The following ANKS6 variants were observed in gnomAD, a reference collection of about 807,000 sequenced individuals.
ANKS6 encodes ankyrin repeat and sterile alpha motif domain containing 6, also known as ankyrin repeat and SAM domain-containing protein 6.
Under a neutral mutation model 77.9 loss-of-function variants are expected in ANKS6, and 47 were observed. That is an observed-to-expected ratio of 0.60 (90% CI 0.48 to 0.77). ANKS6 has a LOEUF of 0.77. ANKS6 is among the 30% of genes least tolerant of loss of function. ANKS6 has a pLI of 0.00. For synonymous variants in ANKS6, 488 were observed against 501.7 expected (o/e 0.97, Z 0.37); for missense variants, 1,150 against 1,159.1 (o/e 0.99, Z 0.11).
Position 98,734,538 on chromosome 9 carries a change from A to C in ANKS6, c.*1981T>G, listed in dbSNP as rs1349342792. The C allele has an allele frequency of 1.0e-6, 1 of 985,350 alleles. No homozygotes were observed. Among genetic ancestry groups the C allele is most frequent in the Non-Finnish European group, 1.2e-6 (1 of 829,950 alleles). The allele number at this position is 985,350 out of a possible 1,614,324, so 61.0% of individuals were successfully genotyped here. A position where few individuals can be genotyped will look rare whatever the true frequency, so the allele number is the denominator to read the frequency against. On this transcript the variant is annotated 3_prime_UTR_variant, in exon 15 of 15. Transcript: ENST00000353234. ...CCTGAAGCCATCAGTAAATTAAAAC[A>C]AGAATCACAAGTGCTTCTAGCTCCA... is the stretch of plus-strand genomic sequence containing the variant.
chr9:98,768,464 G>GT lies in ANKS6; in HGVS notation c.1973-215dup, dbSNP rs1190718871. ...GGCTCTGTGCTGCGAAGGCGTAATG[G>GT]TAAGAGGTGGGAAGCAGCAGCAAAG... On this transcript the variant is annotated intron_variant, in intron 10 of 14. Transcript: ENST00000353234. 3.3e-5 allele frequency among the ~76,000 whole-genome samples: 5 copies of GT among 152,252 alleles called. No homozygotes were observed. The East Asian group carries it at 9.7e-4, about 29-fold the overall frequency.
Position 98,790,576 on chromosome 9 carries a change from CAGG to C in ANKS6, c.387_389del (p.Leu131del). ...CATTGACATCAGCCCCGTGATCCAA[CAGG>C]AGGTGTGCCACACTCACATGCCCAA... is the stretch of plus-strand genomic sequence containing the variant. On this transcript the variant is annotated inframe_deletion, in exon 2 of 15. Transcript: ENST00000353234. 1 of 1,607,250 alleles carries C rather than the reference CAGG, an allele frequency of 6.2e-7. No individual in the cohort carries two copies. Among genetic ancestry groups the C allele is most frequent in the African/African-American group, 1.3e-5 (1 of 74,958 alleles).
intron 11 of ANKS6, among the ~76,000 whole-genome samples, chr9:98,757,564 G>A (rs1377298508): frequency 6.6e-6 from 1 of 152,152 alleles, no homozygotes; most frequent in African/African-American, 2.4e-5. Context: ...TACTGGTGAT[G>A]GTAACCTTCA....
intron 1 of ANKS6, among the ~76,000 whole-genome samples, chr9:98,794,996 T>C (rs935596670): frequency 1.3e-5 from 2 of 152,168 alleles, no homozygotes; most frequent in African/African-American, 4.8e-5. Flanking sequence ...CATGGTGTGA[T>C]GGATGCTACC....
chr9:98,768,644 G>C (rs1184899661), intron 10 of ANKS6, among the ~76,000 whole-genome samples: 2 of 152,176 alleles, frequency 1.3e-5, no homozygotes, highest in Non-Finnish European at 2.9e-5. Context: ...GGCTGCACCA[G>C]GGCTTCAGGA....
chr9:98,773,841 G>A, intron 9 of ANKS6, 36 bp downstream of exon 9: 2 of 1,474,802 alleles, frequency 1.4e-6, no homozygotes, highest in Non-Finnish European at 1.8e-6. Context: ...AGTGAGCAGT[G>A]AGTGATGTGT....
intron 14 of ANKS6, among the ~76,000 whole-genome samples, chr9:98,739,423 G>C (rs956695435): frequency 6.6e-6 from 1 of 152,128 alleles, no homozygotes; most frequent in Non-Finnish European, 1.5e-5. Flanking sequence ...CTGGGCAACA[G>C]AGCGAGACCC....
chr9:98,777,386 A>C lies in ANKS6; in HGVS notation c.1617+19T>G. On this transcript the variant is annotated intron_variant, in intron 8 of 14. Coordinates refer to ENST00000353234, the MANE Select transcript of ANKS6 (RefSeq NM_173551.5). ...ATTGCCGGAGACCTAAAATGCTTTT[A>C]GAAAAGCCCCACACTCACCATGGTT... 1 of 1,613,758 alleles carries C rather than the reference A, an allele frequency of 6.2e-7. No individual in the cohort carries two copies. The highest frequency in any genetic ancestry group is 8.5e-7 in the Non-Finnish European group (1 of 1,179,646).
chr9:98,760,707 G>A (rs1395216189), intron 11 of ANKS6, among the ~76,000 whole-genome samples: 1 of 152,150 alleles, frequency 6.6e-6, no homozygotes, highest in African/African-American at 2.4e-5. Flanking sequence ...ATTCATTCAA[G>A]CAATCGCACG....
At position 98,747,707 on chromosome 9, in the gene ANKS6, C is replaced by G. The variant is rs141332755; in HGVS notation, c.2395-2032G>C. Among the ~76,000 whole-genome samples the G allele has an allele frequency of 5.2e-3, 795 of 152,264 alleles. 7 individuals are homozygous for G. The highest frequency in any genetic ancestry group is 0.018 in the African/African-American group (745 of 41,536). On this transcript the variant is annotated intron_variant, in intron 13 of 14. Coordinates refer to ENST00000353234, the MANE Select transcript of ANKS6 (RefSeq NM_173551.5). ...GATTCTGACATCCTCAGCACCTGCCCTCTTGGTGAGGGGCCCTCCACCTCC... is the reference window on the plus strand; with the variant it reads ...GATTCTGACATCCTCAGCACCTGCCGTCTTGGTGAGGGGCCCTCCACCTCC...
At chr9:98,739,758 A>ATTTTTGTTTTTTTT (rs1831713185) in intron 14 of ANKS6, among the ~76,000 whole-genome samples, 1 of 88,858 alleles carries the variant, frequency 1.1e-5, no homozygotes, top group Non-Finnish European at 2.1e-5. Context: ...TGGATTAAAC[A>ATTTTTGTTTTTTTT]TTTTTTTTTT....
At chr9:98,757,443 T>C (rs1832774847) in intron 11 of ANKS6, among the ~76,000 whole-genome samples, 2 of 152,292 alleles carry the variant, frequency 1.3e-5, no homozygotes, top group South Asian at 4.1e-4. Flanking sequence ...GCACATCATT[T>C]TGGGATTATC....
chr9:98,771,154 A>C, intron 9 of ANKS6, 108 bp from the exon 10 acceptor site: 2 of 1,258,254 alleles, frequency 1.6e-6, no homozygotes, highest in Non-Finnish European at 1.0e-6. Context: ...ACCCCACCAA[A>C]GCTCGCTGTG....
chr9:98,781,879 G>T (rs190642002), intron 5 of ANKS6, among the ~76,000 whole-genome samples: 2 of 150,572 alleles, frequency 1.3e-5, no homozygotes, highest in Non-Finnish European at 3.0e-5. Context: ...TAAGAAAGAC[G>T]ACAGATCAGA....
chr9:98,740,998 G>A (rs1027913928), intron 14 of ANKS6, among the ~76,000 whole-genome samples: 3 of 152,030 alleles, frequency 2.0e-5, no homozygotes, highest in Admixed American at 6.6e-5. Context: ...GGCTCTTTCC[G>A]GAAAGTTATT....
intron 11 of ANKS6, among the ~76,000 whole-genome samples, chr9:98,767,758 G>T (rs1159562334): frequency 2.0e-5 from 3 of 152,204 alleles, no homozygotes; most frequent in Non-Finnish European, 4.4e-5. Flanking sequence ...CTCAACTCAT[G>T]CTCTTAAACC....
chr9:98,759,809 A>G (rs1291506855), intron 11 of ANKS6, among the ~76,000 whole-genome samples: 1 of 152,208 alleles, frequency 6.6e-6, no homozygotes, highest in African/African-American at 2.4e-5. Flanking sequence ...TGTAAGTAAA[A>G]AGTAGAACAG....
In ANKS6 at chr9:98,736,141, A is replaced by T; in HGVS notation, c.*378T>A. 1 of 1,151,442 alleles carries T rather than the reference A, an allele frequency of 8.7e-7. No individual in the cohort carries two copies. The highest frequency in any genetic ancestry group is 1.1e-6 in the Non-Finnish European group (1 of 934,702). The allele number at this position is 1,151,442 out of a possible 1,614,324, so 71.3% of individuals were successfully genotyped here. Reference sequence around the variant, plus strand: ...GCAGGAGTGATGTGTGTCAGTTAAGAGCAAGGCAGGTAAGAAGCAGCCGTG... The same window carrying T: ...GCAGGAGTGATGTGTGTCAGTTAAGTGCAAGGCAGGTAAGAAGCAGCCGTG... On this transcript the variant is annotated 3_prime_UTR_variant, in exon 15 of 15. Coordinates refer to ENST00000353234, the MANE Select transcript of ANKS6 (RefSeq NM_173551.5).
chr9:98,789,829 G>A (rs555397808), intron 2 of ANKS6: 6 of 402,174 alleles, frequency 1.5e-5, no homozygotes, highest in Non-Finnish European at 2.2e-5. Flanking sequence ...AGAACCACCT[G>A]CATCAGAATG....
Sources: allele counts gnomAD v4.1 joint callset (sites outside exome capture counted in the v4.1 genomes callset), GRCh38; gene constraint gnomAD v4.1.1; transcripts MANE v1.5; gene names NCBI Gene and HGNC (gene_info 2026-07-23, HGNC 2026-07-21).